Variants in PTBP2 observed in about 807,000 individuals in gnomAD.
PTBP2 encodes the protein polypyrimidine tract-binding protein 2.
In PTBP2, 13 loss-of-function variants were observed where a neutral mutation model predicts 61.4. That is an observed-to-expected ratio of 0.21 (90% CI 0.14 to 0.34). The LOEUF (loss-of-function observed/expected upper bound fraction) is 0.34. PTBP2 is among the 10% of genes least tolerant of loss of function. The probability of loss-of-function intolerance (pLI) is 1.00; values close to 1 mark genes in which losing one functional copy is unlikely to be tolerated. For synonymous variants in PTBP2, 215 were observed against 218.5 expected, an observed-to-expected ratio of 0.98 and a Z score of 0.14; for missense variants, 405 against 642.6, an observed-to-expected ratio of 0.63 and a Z score of 4.00.
chr1:96,765,096 A>AT (rs774675096), intron 3 of PTBP2, among the ~76,000 whole-genome samples: 5 of 151,866 alleles, frequency 3.3e-5, no homozygotes, highest in Non-Finnish European at 5.9e-5. Flanking sequence ...GAGTAGCAGC[A>AT]TTCATTTTTT....
At chr1:96,815,297 A>G (rs905642051), downstream of PTBP2, 4 of 151,626 alleles carry the variant, frequency 2.6e-5, no homozygotes, top group South Asian at 8.3e-4. Context: ...TCTGCTAAAG[A>G]TTTCTTACTA....
At chr1:96,773,758 C>T (rs888928016) in intron 5 of PTBP2, among the ~76,000 whole-genome samples, 38 of 151,654 alleles carry the variant, frequency 2.5e-4, no homozygotes, top group Non-Finnish European at 1.5e-4. Flanking sequence ...GGGCGGATCA[C>T]GAGGTCAGGA....
intron 3 of PTBP2, among the ~76,000 whole-genome samples, chr1:96,761,527 G>A (rs1655869511): frequency 7.5e-6 from 1 of 133,358 alleles, no homozygotes; most frequent in Admixed American, 7.5e-5. Context: ...CCAAGGTCCT[G>A]AATTTTAGGG....
At chr1:96,818,575 G>A (rs1402981389), downstream of PTBP2, 7 of 152,004 alleles carry the variant, frequency 4.6e-5, no homozygotes, top group Non-Finnish European at 8.8e-5. Flanking sequence ...TATCACCTAG[G>A]AGTTTATTAG....
chr1:96,721,804 T>C lies in PTBP2; in HGVS notation c.-61T>C, dbSNP rs1332434498. 5 of 1,549,838 alleles carry C rather than the reference T, an allele frequency of 3.2e-6. No homozygotes were observed. Among genetic ancestry groups the C allele is most frequent in the African/African-American group, 1.4e-5 (1 of 73,144 alleles). Reference sequence around the variant, plus strand: ...GCCCCAGCCGCCATTTTCTCGCCGCTTGTGTGGCTCGCTGGCTGCGTGGCT... The same window carrying C: ...GCCCCAGCCGCCATTTTCTCGCCGCCTGTGTGGCTCGCTGGCTGCGTGGCT... On this transcript the variant is annotated 5_prime_UTR_variant, in exon 1 of 14. Coordinates refer to ENST00000674951, the MANE Select transcript of PTBP2 (RefSeq NM_021190.4).
At chr1:96,743,176 A>C (rs1394461303) in intron 2 of PTBP2, among the ~76,000 whole-genome samples, 1 of 151,494 alleles carries the variant, frequency 6.6e-6, no homozygotes, top group African/African-American at 2.4e-5. Flanking sequence ...AGTCCCAGCT[A>C]CTCGGGAGGC....
intron 2 of PTBP2, among the ~76,000 whole-genome samples, chr1:96,726,700 G>A (rs1370677698): frequency 1.3e-5 from 2 of 152,060 alleles, no homozygotes; most frequent in Non-Finnish European, 2.9e-5. Flanking sequence ...GCCTCCCAAA[G>A]TGCTGGGATT....
chr1:96,796,465 G>T (rs1216516443), intron 8 of PTBP2, among the ~76,000 whole-genome samples: 2 of 152,114 alleles, frequency 1.3e-5, no homozygotes, highest in Non-Finnish European at 2.9e-5. Flanking sequence ...ATTGAATTCT[G>T]ATCTAAAAAT....
At chr1:96,796,226 A>G (rs1445663077) in intron 8 of PTBP2, among the ~76,000 whole-genome samples, 1 of 151,786 alleles carries the variant, frequency 6.6e-6, no homozygotes, top group Non-Finnish European at 1.5e-5. Context: ...GCTGAGGCAG[A>G]AGAACTGCTT....
intron 2 of PTBP2, 89 bp from the exon 3 acceptor site, chr1:96,751,336 T>C (rs1654512998): frequency 3.0e-6 from 3 of 1,002,788 alleles, no homozygotes; most frequent in Admixed American, 3.5e-5. Context: ...TTCCCAATAG[T>C]GTAACATTTG....
intron 2 of PTBP2, among the ~76,000 whole-genome samples, chr1:96,736,810 G>A (rs1570726105): frequency 1.3e-5 from 2 of 152,082 alleles, no homozygotes; most frequent in Non-Finnish European, 2.9e-5. Context: ...CCAAGTAGCT[G>A]GGACTACAGT....
intron 5 of PTBP2, among the ~76,000 whole-genome samples, chr1:96,777,162 G>A (rs1044410723): frequency 6.6e-6 from 1 of 151,996 alleles, no homozygotes; most frequent in African/African-American, 2.4e-5. Flanking sequence ...AAGCTTTATG[G>A]GAGTTCTTTT....
chr1:96,729,985 A>G (rs1651180475), intron 2 of PTBP2, among the ~76,000 whole-genome samples: 1 of 151,954 alleles, frequency 6.6e-6, no homozygotes, highest in Admixed American at 6.6e-5. Context: ...GCCCTGCCTC[A>G]CAAAGTGCTG....
intron 5 of PTBP2, among the ~76,000 whole-genome samples, chr1:96,776,611 A>G (rs778838746): frequency 1.1e-4 from 17 of 151,884 alleles, no homozygotes; most frequent in Non-Finnish European, 1.2e-4. Flanking sequence ...CTGTAAACCT[A>G]TGTATAGGTA....
At chr1:96,746,180 G>T (rs528509512) in intron 2 of PTBP2, among the ~76,000 whole-genome samples, 2 of 152,156 alleles carry the variant, frequency 1.3e-5, no homozygotes, top group Non-Finnish European at 2.9e-5. Flanking sequence ...TTTTGAGAGG[G>T]TATATTTAAA....
At chr1:96,770,311 T>C (rs1657235394) in intron 4 of PTBP2, among the ~76,000 whole-genome samples, 1 of 152,078 alleles carries the variant, frequency 6.6e-6, no homozygotes, top group Non-Finnish European at 1.5e-5. Flanking sequence ...GAGGTTAATC[T>C]GACATTTAAT....
At chr1:96,806,674 A>T (rs1189309056) in intron 10 of PTBP2, 192 bp from the exon 11 acceptor site, 1 of 655,466 alleles carries the variant, frequency 1.5e-6, no homozygotes, top group Non-Finnish European at 2.6e-6. Context: ...TTGAGGGTTT[A>T]TCAAAAATTA....
At chr1:96,805,151 A>G (rs952848473) in intron 9 of PTBP2, among the ~76,000 whole-genome samples, 2 of 152,026 alleles carry the variant, frequency 1.3e-5, no homozygotes, top group African/African-American at 4.8e-5. Flanking sequence ...ATCTATATCT[A>G]TATATGTATA....
chr1:96,769,728 T>A lies in PTBP2; in HGVS notation c.141T>A (p.Phe47Leu). The change falls in exon 4 of 14, where the codon TTT (phenylalanine) becomes TTA (leucine). Residue 47 changes from phenylalanine to leucine, a missense_variant. Phe to Leu is a conservative substitution (Grantham distance 22). Transcript: ENST00000674951. ...CCAATGGTAATGATAGTAAAAAATTTAAAGGAGAAGATAAAATGGATGGTG... is the reference window on the plus strand; with the variant it reads ...CCAATGGTAATGATAGTAAAAAATTAAAAGGAGAAGATAAAATGGATGGTG... ...VTANGNDSKKFKGEDKMDGAP... is the reference protein window; with the variant it reads ...VTANGNDSKKLKGEDKMDGAP... 1 of 1,601,452 alleles carries A rather than the reference T, an allele frequency of 6.2e-7. No homozygotes were observed. Among genetic ancestry groups the A allele is most frequent in the Non-Finnish European group, 8.5e-7 (1 of 1,174,342 alleles).
Sources: allele counts gnomAD v4.1 joint callset (sites outside exome capture counted in the v4.1 genomes callset), GRCh38; gene constraint gnomAD v4.1.1; transcripts MANE v1.5; gene names NCBI Gene and HGNC (gene_info 2026-07-23, HGNC 2026-07-21).